The following AGPAT3 variants were observed in gnomAD, a reference collection of about 807,000 sequenced individuals.
AGPAT3 encodes the protein 1-acyl-sn-glycerol-3-phosphate acyltransferase gamma.
Under a neutral mutation model 47.3 loss-of-function variants are expected in AGPAT3, and 5 were observed. That is an observed-to-expected ratio of 0.11 (90% CI 0.06 to 0.22). The LOEUF is 0.22. AGPAT3 is among the 10% of genes least tolerant of loss of function. The pLI, the probability that AGPAT3 is intolerant of heterozygous loss-of-function variation, is 1.00. For missense variants in AGPAT3, 315 were observed against 493.0 expected (o/e 0.64, Z 3.42); for synonymous variants, 212 against 208.3 (o/e 1.02, Z -0.15).
rs540870657 is a variant in AGPAT3 at position 43,879,537 on chromosome 21, G to A, written c.-112+14192G>A. Among the ~76,000 whole-genome samples the A allele has an allele frequency of 2.6e-5, 4 of 150,950 alleles. No individual in the cohort carries two copies. In the East Asian group the frequency reaches 5.9e-4, roughly 22 times the overall value. ...TCTCGGTGGGAAGTGCTGGGTGGCC[G>A]TGGGCTTGGAGGCTGGGTCGTGGGG... On this transcript the variant is annotated intron_variant, in intron 1 of 9. Transcript: ENST00000291572.
intron 3 of AGPAT3, among the ~76,000 whole-genome samples, chr21:43,961,866 C>T (rs1442379492): frequency 6.6e-6 from 1 of 152,232 alleles, no homozygotes; most frequent in Non-Finnish European, 1.5e-5. Context: ...GCCGGTAGCA[C>T]TGCTGAAAAG....
At position 43,983,846 on chromosome 21, in the gene AGPAT3, T is replaced by C. The variant is rs1250506576; in HGVS notation, c.*1454T>C. 1 of 152,396 alleles carries C rather than the reference T, an allele frequency of 6.6e-6. No homozygotes were observed. The highest frequency in any genetic ancestry group is 2.4e-5 in the African/African-American group (1 of 41,598). The allele number at this position is 152,396 out of a possible 1,614,324, so 9.4% of individuals were successfully genotyped here. A position where few individuals can be genotyped will look rare whatever the true frequency, so the allele number is the denominator to read the frequency against. ...ACCAAAATGGGTGTTATCTCTGATA[T>C]CTTGAAACCAGCGTTCTGAATAGAG... On this transcript the variant is annotated 3_prime_UTR_variant, in exon 10 of 10. Coordinates refer to ENST00000291572, the MANE Select transcript of AGPAT3 (RefSeq NM_020132.5).
chr21:43,913,138 A>G (rs1484561861), intron 2 of AGPAT3, among the ~76,000 whole-genome samples: 4 of 152,236 alleles, frequency 2.6e-5, no homozygotes, highest in African/African-American at 9.7e-5. Flanking sequence ...ATTTCCTCAT[A>G]GCAAACCATC....
chr21:43,981,416 C>T lies in AGPAT3; in HGVS notation c.1042+229C>T, dbSNP rs2089847136. The stretch of plus-strand genomic sequence containing the variant: ...CCGAACGGCCGCCACCTGGCGCCAT[C>T]CCCACTGCAGCCCCACTGGCTGGCG... On this transcript the variant is annotated intron_variant, in intron 9 of 9. Transcript: ENST00000291572. The surrounding 1 kb of genome is among the most constrained non-coding windows in gnomAD (Gnocchi z 5.3). 1 of 587,198 alleles carries T rather than the reference C, an allele frequency of 1.7e-6. No individual in the cohort carries two copies. Among genetic ancestry groups the T allele is most frequent in the African/African-American group, 1.9e-5 (1 of 53,762 alleles). 36.4% of individuals were successfully genotyped at this position (587,198 alleles called of 1,614,324 possible).
Position 43,930,097 on chromosome 21 carries a change from A to C in AGPAT3, c.-49+26078A>C, listed in dbSNP as rs1293333724. Among the ~76,000 whole-genome samples, 1 of 152,136 alleles carries C rather than the reference A, an allele frequency of 6.6e-6. No homozygotes were observed. The highest frequency in any genetic ancestry group is 1.5e-5 in the Non-Finnish European group (1 of 68,022). ...ATCCAGCCCCGTTTTCACGTTCAGG[A>C]AGTCACGAATCCACAGTGTCTTTGA... On this transcript the variant is annotated intron_variant, in intron 2 of 9. Transcript: ENST00000291572. This position sits in a 1 kb window ranked among gnomAD's most constrained non-coding sequence, Gnocchi z 5.0.
At chr21:43,944,155 AC>A (rs999356218) in intron 2 of AGPAT3, among the ~76,000 whole-genome samples, 14 of 152,194 alleles carry the variant, frequency 9.2e-5, no homozygotes, top group Non-Finnish European at 2.1e-4. Context: ...CCAGCATTTC[AC>A]CCACGTGGCA....
rs1291942084 is a variant in AGPAT3 at position 43,908,970 on chromosome 21, C to T, written c.-49+4951C>T. On this transcript the variant is annotated intron_variant, in intron 2 of 9. Transcript: ENST00000291572. This position sits in a 1 kb window ranked among gnomAD's most constrained non-coding sequence, Gnocchi z 4.9. ...TGGGTCCTTACGTGCCCTGTCACAG[C>T]CAGCCCTGCCCTGGAGAGAGAGGCC... Among the ~76,000 whole-genome samples the T allele has an allele frequency of 1.3e-5, 2 of 152,248 alleles. No individual in the cohort carries two copies. The highest frequency in any genetic ancestry group is 4.8e-5 in the African/African-American group (2 of 41,468).
chr21:43,980,916 A>C, intron 8 of AGPAT3, 73 bp from the exon 9 acceptor site: 2 of 1,416,160 alleles, frequency 1.4e-6, no homozygotes, highest in Admixed American at 1.9e-5. Context: ...CATTGCCAAC[A>C]ATCTTCTCCT....
chr21:43,943,900 CTAAACCACTTTCCCGCCGCA>C (rs1287731924), intron 2 of AGPAT3, among the ~76,000 whole-genome samples: 1 of 152,242 alleles, frequency 6.6e-6, no homozygotes, highest in Non-Finnish European at 1.5e-5. Context: ...GTTCCGCCGC[CTAAACCACTTTCCCGCCGCA>C]TCTTTCACCT....
chr21:43,904,166 G>A (rs921257915), intron 2 of AGPAT3, 147 bp downstream of exon 2: 1 of 152,544 alleles, frequency 6.6e-6, no homozygotes, highest in Non-Finnish European at 1.5e-5. Flanking sequence ...TTTCTTAAAG[G>A]TATATATTTT....
At chr21:43,921,582 T>G (rs980028023) in intron 2 of AGPAT3, among the ~76,000 whole-genome samples, 1 of 152,112 alleles carries the variant, frequency 6.6e-6, no homozygotes, top group African/African-American at 2.4e-5. Context: ...CATTCTGTGT[T>G]GAGTGTTGAA....
intron 2 of AGPAT3, among the ~76,000 whole-genome samples, chr21:43,940,851 C>T (rs2087630037): frequency 6.6e-6 from 1 of 152,250 alleles, no homozygotes; most frequent in African/African-American, 2.4e-5. Context: ...CCGGCTCTTA[C>T]TGCAGAAGCC....
At position 43,952,268 on chromosome 21, in the gene AGPAT3, T is replaced by C. The variant is rs1601403574; in HGVS notation, c.-48-7366T>C. Among the ~76,000 whole-genome samples the C allele has an allele frequency of 6.6e-6, 1 of 151,886 alleles. No individual in the cohort carries two copies. Among genetic ancestry groups the C allele is most frequent in the South Asian group, 2.1e-4 (1 of 4,806 alleles). On this transcript the variant is annotated intron_variant, in intron 2 of 9. Transcript: ENST00000291572. This position sits in a 1 kb window ranked among gnomAD's most constrained non-coding sequence, Gnocchi z 5.6. ...TCACCCGGGCTCTGACTGCAGGCGG[T>C]CTCCCTTTTTCATAAGGACACCGGT...
At chr21:43,876,866 T>TG (rs1463433746) in intron 1 of AGPAT3, among the ~76,000 whole-genome samples, 10 of 151,848 alleles carry the variant, frequency 6.6e-5, no homozygotes, top group African/African-American at 2.4e-4. Context: ...TTGTTTTATT[T>TG]GTTTTTTTTT....
chr21:43,887,104 C>T lies in AGPAT3; in HGVS notation c.-111-16853C>T, dbSNP rs117176584. Among the ~76,000 whole-genome samples, 481 of 152,306 alleles carry T rather than the reference C, an allele frequency of 3.2e-3. 8 individuals carry two copies. The highest frequency in any genetic ancestry group is 0.023 in the Admixed American group (347 of 15,294). On this transcript the variant is annotated intron_variant, in intron 1 of 9. Transcript: ENST00000291572. Reference sequence around the variant, plus strand: ...TTTCATAGTGCAGGAACTGGCTAAACGTGGGTACTCCAAAGCAGCCCTGCT... The same window carrying T: ...TTTCATAGTGCAGGAACTGGCTAAATGTGGGTACTCCAAAGCAGCCCTGCT...
In AGPAT3 at chr21:43,880,964, A is replaced by G. The variant is rs72613640; in HGVS notation, c.-112+15619A>G. 2.5e-3 allele frequency among the ~76,000 whole-genome samples: 189 copies of G among 74,756 alleles called. 1 individual carries two copies. Among genetic ancestry groups the G allele is most frequent in the Middle Eastern group, 6.6e-3 (1 of 152 alleles). The allele number at this position is 74,756 out of a possible 152,430, so 49.0% of individuals were successfully genotyped here. On this transcript the variant is annotated intron_variant, in intron 1 of 9. Coordinates refer to ENST00000291572, the MANE Select transcript of AGPAT3 (RefSeq NM_020132.5). This position sits in a 1 kb window ranked among gnomAD's most constrained non-coding sequence, Gnocchi z 4.5. ...AAGTTGGTCATTCTTAATGCCAGGG[A>G]GGGGGAAGAGAGAGAAAATGAGAGA...
intron 1 of AGPAT3, among the ~76,000 whole-genome samples, chr21:43,898,059 G>A (rs2086269345): frequency 6.6e-6 from 1 of 152,172 alleles, no homozygotes; most frequent in African/African-American, 2.4e-5. Context: ...CAGGGAGGTT[G>A]CAGCGAGCTG....
At chr21:43,924,286 A>G (rs2086987207) in intron 2 of AGPAT3, among the ~76,000 whole-genome samples, 1 of 151,812 alleles carries the variant, frequency 6.6e-6, no homozygotes, top group South Asian at 2.1e-4. Context: ...CGGCCTCCCA[A>G]AGTGCTGGGA....
chr21:43,874,718 T>C (rs1429932966), intron 1 of AGPAT3, among the ~76,000 whole-genome samples: 2 of 152,258 alleles, frequency 1.3e-5, no homozygotes, highest in African/African-American at 2.4e-5. Flanking sequence ...GTTTTTCAAC[T>C]TGACTGTGGT....
Sources: gnomAD v4.1 joint callset for allele counts (sites outside exome capture counted in the v4.1 genomes callset) on GRCh38, gnomAD v4.1.1 for gene constraint, Gnocchi (gnomAD v3.1) non-coding constraint, MANE v1.5 for transcripts, NCBI Gene and HGNC (gene_info 2026-07-23, HGNC 2026-07-21) for gene names.